Variants in SMOC1 observed in about 807,000 individuals in gnomAD.
The protein encoded by SMOC1 is SPARC-related modular calcium-binding protein 1.
SMOC1 carries 22 observed loss-of-function variants against 56.3 expected under a neutral mutation model. That is an observed-to-expected ratio of 0.39 (90% CI 0.28 to 0.56). SMOC1 has a LOEUF of 0.56. Ranked by LOEUF, SMOC1 falls within the 20% of genes least tolerant of loss-of-function variation. The probability of loss-of-function intolerance (pLI) is 0.61; values close to 1 mark genes in which losing one functional copy is unlikely to be tolerated. For synonymous variants in SMOC1, 193 were observed against 215.0 expected (o/e 0.90, Z 0.89); for missense variants, 509 against 565.4 (o/e 0.90, Z 1.01).
At chr14:70,000,965 C>T (rs999405522) in intron 7 of SMOC1, among the ~76,000 whole-genome samples, 37 of 152,184 alleles carry the variant, frequency 2.4e-4, no homozygotes, top group African/African-American at 8.4e-4. Context: ...ATGGGATCTC[C>T]GAGACATAGC....
chr14:69,997,649 C>A (rs1352811221), intron 7 of SMOC1, among the ~76,000 whole-genome samples: 1 of 152,184 alleles, frequency 6.6e-6, no homozygotes, highest in Non-Finnish European at 1.5e-5. Context: ...CAACAAAACA[C>A]TGGTGACTCT....
At chr14:69,910,276 G>A (rs759898978) in intron 1 of SMOC1, among the ~76,000 whole-genome samples, 34 of 152,178 alleles carry the variant, frequency 2.2e-4, no homozygotes, top group Non-Finnish European at 4.7e-4. Flanking sequence ...AAAGTACTTA[G>A]GCCCCTGGGA....
chr14:70,010,699 A>G (rs1594853928), intron 7 of SMOC1, 55 bp from the exon 8 acceptor site: 1 of 1,584,618 alleles, frequency 6.3e-7, no homozygotes, highest in South Asian at 1.1e-5. Context: ...CACAGAAGAC[A>G]GGAGTGTTAA....
At chr14:69,890,319 G>A (rs1883926259) in intron 1 of SMOC1, among the ~76,000 whole-genome samples, 1 of 152,042 alleles carries the variant, frequency 6.6e-6, no homozygotes. Context: ...AAGATATATT[G>A]GATAGTAAAA....
intron 11 of SMOC1, among the ~76,000 whole-genome samples, chr14:70,029,097 GCA>G (rs1051424395): frequency 2.6e-5 from 4 of 152,200 alleles, no homozygotes; most frequent in Admixed American, 6.5e-5. Context: ...TCAGGGGCAT[GCA>G]CAGAGTCACG....
chr14:69,886,170 G>T, intron 1 of SMOC1: 2 of 1,056,694 alleles, frequency 1.9e-6, no homozygotes, highest in Non-Finnish European at 2.9e-6. Context: ...GAGCTCCTTT[G>T]AACAACTTCT....
chr14:69,994,296 T>C lies in SMOC1; in HGVS notation c.584-104T>C, dbSNP rs543062411. 526 of 901,414 alleles carry C rather than the reference T, an allele frequency of 5.8e-4. 7 individuals are homozygous for C. The South Asian group carries it at 6.5e-3, about 11-fold the overall frequency. The allele number at this position is 901,414 out of a possible 1,614,324, so 55.8% of individuals were successfully genotyped here. A position where few individuals can be genotyped will look rare whatever the true frequency, so the allele number is the denominator to read the frequency against. On this transcript the variant is annotated intron_variant, in intron 6 of 11. Transcript: ENST00000361956. The stretch of plus-strand genomic sequence containing the variant: ...ATGTGGGAGAGAGCTGAAGCCTCAA[T>C]GCCTCAGACTTTGAAAAATGACTAT...
At chr14:70,010,688 G>A in intron 7 of SMOC1, 66 bp from the exon 8 acceptor site, 4 of 1,556,702 alleles carry the variant, frequency 2.6e-6, no homozygotes, top group Non-Finnish European at 3.5e-6. Context: ...TGGATGCTGG[G>A]CACAGAAGAC....
At chr14:69,959,059 C>G (rs957691194) in intron 3 of SMOC1, among the ~76,000 whole-genome samples, 3 of 152,174 alleles carry the variant, frequency 2.0e-5, no homozygotes, top group African/African-American at 7.2e-5. Context: ...GAAATAGCAA[C>G]AGTTAAGTCT....
intron 1 of SMOC1, among the ~76,000 whole-genome samples, chr14:69,906,125 A>T (rs566234134): frequency 6.6e-6 from 1 of 152,264 alleles, no homozygotes; most frequent in Admixed American, 6.5e-5. Context: ...TGGCTGGAAC[A>T]ATCTCCCCTA....
chr14:70,008,305 T>G (rs1052403374), intron 7 of SMOC1, among the ~76,000 whole-genome samples: 1 of 152,030 alleles, frequency 6.6e-6, no homozygotes, highest in Non-Finnish European at 1.5e-5. Flanking sequence ...CTTTTTGTAT[T>G]TATTTATTTA....
At chr14:69,885,584 C>T (rs548575219) in intron 1 of SMOC1, 615 of 1,576,024 alleles carry the variant, frequency 3.9e-4, no homozygotes, top group Non-Finnish European at 5.0e-4. Flanking sequence ...TCTTGCCTTC[C>T]CCTTGATAAT....
At chr14:70,028,831 C>T (rs1594864733) in intron 11 of SMOC1, among the ~76,000 whole-genome samples, 1 of 152,204 alleles carries the variant, frequency 6.6e-6, no homozygotes, top group East Asian at 1.9e-4. Context: ...CCGATATCCA[C>T]CCCACGCCCA....
chr14:70,012,505 G>A (rs375028852), intron 9 of SMOC1, among the ~76,000 whole-genome samples: 1 of 152,242 alleles, frequency 6.6e-6, no homozygotes, highest in Admixed American at 6.5e-5. Flanking sequence ...GAGAATGGCA[G>A]GGAGAACCTG....
chr14:69,898,605 A>C (rs974349167), intron 1 of SMOC1, among the ~76,000 whole-genome samples: 2 of 152,054 alleles, frequency 1.3e-5, no homozygotes, highest in African/African-American at 4.8e-5. Context: ...TTTCTTTTAT[A>C]GTGTTTTTGA....
intron 11 of SMOC1, among the ~76,000 whole-genome samples, chr14:70,027,975 C>T (rs1885994981): frequency 6.6e-6 from 1 of 152,182 alleles, no homozygotes; most frequent in African/African-American, 2.4e-5. Flanking sequence ...GTCGGTCATC[C>T]ATCCCGTGTC....
chr14:69,918,252 A>C lies in SMOC1; in HGVS notation c.100-33886A>C, dbSNP rs565055946. 1.3e-3 allele frequency among the ~76,000 whole-genome samples: 195 copies of C among 150,990 alleles called. 1 individual carries two copies. Among genetic ancestry groups the C allele is most frequent in the African/African-American group, 3.7e-3 (152 of 40,958 alleles). On this transcript the variant is annotated intron_variant, in intron 1 of 11. Transcript: ENST00000361956. ...TATATATATATTTTTTTTTTGAGAC[A>C]GGGTCTCACTCTGTTGCCCAGGCTG...
At chr14:70,015,467 A>G (rs1209879132) in intron 10 of SMOC1, among the ~76,000 whole-genome samples, 2 of 152,174 alleles carry the variant, frequency 1.3e-5, no homozygotes, top group African/African-American at 4.8e-5. Context: ...ACAACAAAAA[A>G]AAAACGAAAG....
At chr14:69,959,730 C>T (rs1883305753) in intron 3 of SMOC1, among the ~76,000 whole-genome samples, 1 of 152,030 alleles carries the variant, frequency 6.6e-6, no homozygotes, top group Non-Finnish European at 1.5e-5. Flanking sequence ...GGATCTCTTG[C>T]ATATAGGGAT....
Sources: allele counts gnomAD v4.1 joint callset (sites outside exome capture counted in the v4.1 genomes callset), GRCh38; gene constraint gnomAD v4.1.1; transcripts MANE v1.5; gene names NCBI Gene and HGNC (gene_info 2026-07-23, HGNC 2026-07-21).